C1orf87: variants seen among roughly 807,000 people sequenced by gnomAD.
The protein encoded by C1orf87 is chromosome 1 open reading frame 87.
C1orf87 carries 58 observed loss-of-function variants against 60.5 expected under a neutral mutation model. The observed-to-expected ratio is 0.96, with a 90% CI of 0.78 to 1.19. The LOEUF is 1.19. Ranked by LOEUF, C1orf87 falls within the 50% of genes most tolerant of loss-of-function variation. The pLI, the probability that C1orf87 is intolerant of heterozygous loss-of-function variation, is 0.00. For missense variants in C1orf87, 673 were observed against 638.6 expected (o/e 1.05, Z -0.58); for synonymous variants, 236 against 227.4 (o/e 1.04, Z -0.34).
In C1orf87 at chr1:60,033,542, T is replaced by C. The variant is rs150086580; in HGVS notation, c.963A>G (p.Ile321Met). 4.3e-6 allele frequency: 7 copies of C among 1,613,902 alleles called. No homozygotes were observed. In the African/African-American group the frequency reaches 6.7e-5, roughly 15 times the overall value. Residue 321 changes from isoleucine (I) to methionine (M), a missense_variant, in exon 7 of 12, where the codon ATA becomes ATG. By Grantham distance (10) the Ile-to-Met change is conservative (BLOSUM62 1). Coordinates refer to ENST00000371201, the MANE Select transcript of C1orf87 (RefSeq NM_152377.3). Reference sequence around the variant, plus strand: ...TTCGAAAACTCAGATTGAGATTGTCTATGTTGAGTCTGCCATTGGTTGTCC... The same window carrying C: ...TTCGAAAACTCAGATTGAGATTGTCCATGTTGAGTCTGCCATTGGTTGTCC... ...ALRTTNGRLN[I>M]DNLNLSFRKE...
At chr1:60,064,754 A>ATAT (rs1645527562) in intron 2 of C1orf87, among the ~76,000 whole-genome samples, 1 of 94,300 alleles carries the variant, frequency 1.1e-5, no homozygotes, top group Non-Finnish European at 1.9e-5. Context: ...TATTAAATAT[A>ATAT]TAAATATATA....
chr1:60,056,901 C>T (rs1224758658), intron 2 of C1orf87, among the ~76,000 whole-genome samples: 1 of 152,160 alleles, frequency 6.6e-6, no homozygotes, highest in Non-Finnish European at 1.5e-5. Flanking sequence ...CTAAATATAA[C>T]ATCCATTGAT....
intron 8 of C1orf87, among the ~76,000 whole-genome samples, chr1:60,018,148 C>T (rs947891724): frequency 6.6e-6 from 1 of 152,162 alleles, no homozygotes; most frequent in Non-Finnish European, 1.5e-5. Flanking sequence ...AATAATGATT[C>T]GTGCATTCAG....
At chr1:60,061,452 T>C (rs972002629) in intron 2 of C1orf87, among the ~76,000 whole-genome samples, 6 of 152,164 alleles carry the variant, frequency 3.9e-5, no homozygotes, top group African/African-American at 9.7e-5. Context: ...ACATTTTAAA[T>C]GTCTAATGGT....
intron 8 of C1orf87, among the ~76,000 whole-genome samples, chr1:60,024,354 C>T (rs1250180849): frequency 2.6e-5 from 4 of 152,110 alleles, no homozygotes; most frequent in African/African-American, 9.7e-5. Flanking sequence ...ACCATTATTA[C>T]AATGATGTAC....
chr1:60,041,490 C>T (rs1360000058), intron 3 of C1orf87, among the ~76,000 whole-genome samples: 1 of 152,036 alleles, frequency 6.6e-6, no homozygotes, highest in Admixed American at 6.6e-5. Flanking sequence ...TTTTAATTAG[C>T]AGGTTCAGGA....
At chr1:59,993,447 A>T (rs2100230666) in intron 11 of C1orf87, among the ~76,000 whole-genome samples, 1 of 152,168 alleles carries the variant, frequency 6.6e-6, no homozygotes, top group South Asian at 2.1e-4. Flanking sequence ...AAAATATATA[A>T]ACAGTATATA....
chr1:60,064,975 A>T (rs1486054124), intron 2 of C1orf87, among the ~76,000 whole-genome samples: 1 of 90,092 alleles, frequency 1.1e-5, no homozygotes, highest in East Asian at 3.4e-4. Context: ...AAATAAATAA[A>T]TATTTATTAT....
chr1:60,030,935 T>A (rs1311946802), intron 7 of C1orf87, among the ~76,000 whole-genome samples: 1 of 152,220 alleles, frequency 6.6e-6, no homozygotes, highest in African/African-American at 2.4e-5. Flanking sequence ...CCATAGAATA[T>A]CCTTTAAGGC....
At chr1:60,055,882 A>G (rs756075319) in intron 2 of C1orf87, among the ~76,000 whole-genome samples, 9 of 146,896 alleles carry the variant, frequency 6.1e-5, no homozygotes, top group Non-Finnish European at 9.2e-5. Context: ...TTTAAGTTTA[A>G]TATTAGAGAA....
chr1:60,063,295 T>G (rs1350298551), intron 2 of C1orf87, among the ~76,000 whole-genome samples: 2 of 152,158 alleles, frequency 1.3e-5, no homozygotes, highest in East Asian at 1.9e-4. Context: ...AATCACAAAA[T>G]TTATCCATAC....
Position 60,064,307 on chromosome 1 carries a change from T to TC in C1orf87, c.107+8229_107+8230insG, listed in dbSNP as rs1447303314. On this transcript the variant is annotated intron_variant, in intron 2 of 11. Coordinates refer to ENST00000371201, the MANE Select transcript of C1orf87 (RefSeq NM_152377.3). ...ATATATTATATATATATTTTATATATAATATATAAATTATATATTATATAT... is the reference window on the plus strand; with the variant it reads ...ATATATTATATATATATTTTATATATCAATATATAAATTATATATTATATAT... Among the ~76,000 whole-genome samples, 145 of 129,196 alleles carry TC rather than the reference T, an allele frequency of 1.1e-3. 18 individuals are homozygous for TC. The highest frequency in any genetic ancestry group is 3.8e-3 in the Middle Eastern group (1 of 260). The allele number at this position is 129,196 out of a possible 152,430, so 84.8% of individuals were successfully genotyped here.
Position 59,997,757 on chromosome 1 carries a change from T to G in C1orf87, c.1332A>C (p.Lys444Asn). ...ESSPAETSAC[K>N]DPLKPLKIRP... ...TGATCTTTAAAGGTTTCAGAGGATCTTTGCAGGCTGAAGTTTCAGCAGGAG... is the reference window on the plus strand; with the variant it reads ...TGATCTTTAAAGGTTTCAGAGGATCGTTGCAGGCTGAAGTTTCAGCAGGAG... Residue 444 changes from lysine to asparagine, a missense_variant, in exon 11 of 12, where the codon AAA (lysine) becomes AAC (asparagine). By Grantham distance (94) the Lys-to-Asn change is moderately conservative. Coordinates refer to ENST00000371201, the MANE Select transcript of C1orf87 (RefSeq NM_152377.3). The G allele has an allele frequency of 1.9e-6, 3 of 1,613,936 alleles. No individual in the cohort carries two copies. The highest frequency in any genetic ancestry group is 2.5e-6 in the Non-Finnish European group (3 of 1,179,896).
chr1:60,036,761 T>A lies in C1orf87; in HGVS notation c.863+1231A>T, dbSNP rs1473277670. Among the ~76,000 whole-genome samples the A allele has an allele frequency of 2.0e-5, 3 of 152,194 alleles. No homozygotes were observed. In the East Asian group the frequency reaches 5.8e-4, roughly 29 times the overall value. On this transcript the variant is annotated intron_variant, in intron 6 of 11. Transcript: ENST00000371201. ...TTGGCAAACATGAAAATATTATACT[T>A]TATTGCGTTTCATTTCTGATTATAT...
chr1:60,036,731 C>CT (rs1645280026), intron 6 of C1orf87, among the ~76,000 whole-genome samples: 1 of 152,124 alleles, frequency 6.6e-6, no homozygotes. Flanking sequence ...AATTTGTCAC[C>CT]TTTTTTGGCA....
intron 9 of C1orf87, chr1:60,008,912 G>C (rs1330520382): frequency 3.6e-6 from 1 of 280,228 alleles, no homozygotes; most frequent in Non-Finnish European, 7.1e-6. Flanking sequence ...AGAACCATCT[G>C]TGTGGTGACA....
rs769852762 is a variant in C1orf87 at position 60,040,156 on chromosome 1, T to C, written c.508A>G (p.Thr170Ala). 5 of 1,613,760 alleles carry C rather than the reference T, an allele frequency of 3.1e-6. No individual in the cohort carries two copies. In the East Asian group the frequency reaches 1.1e-4, roughly 36 times the overall value. ...PEDIGQSPSG[T>A]TNEDAFLLAL... ...AGAAGAAAAGCGTCTTCATTTGTTG[T>C]CCCACTTGGGCTCTGGCCAATATCC... is the stretch of plus-strand genomic sequence containing the variant. Residue 170 changes from threonine (T) to alanine (A), a missense_variant, in exon 5 of 12, where the codon ACA becomes GCA. Physicochemically the swap from Thr to Ala is moderately conservative, Grantham distance 58 (BLOSUM62 0). Transcript: ENST00000371201.
At chr1:60,007,401 T>G (rs1160301878) in intron 9 of C1orf87, among the ~76,000 whole-genome samples, 1 of 152,008 alleles carries the variant, frequency 6.6e-6, no homozygotes, top group Non-Finnish European at 1.5e-5. Flanking sequence ...TGATTCCTTT[T>G]ATAGATTCAA....
chr1:59,997,315 G>A (rs1368449856), intron 11 of C1orf87, among the ~76,000 whole-genome samples: 2 of 152,148 alleles, frequency 1.3e-5, no homozygotes, highest in African/African-American at 4.8e-5. Flanking sequence ...CCTCTTATCA[G>A]TGGGGTATCT....
Sources: allele counts gnomAD v4.1 joint callset (sites outside exome capture counted in the v4.1 genomes callset), GRCh38; gene constraint gnomAD v4.1.1; transcripts MANE v1.5; gene names NCBI Gene and HGNC (gene_info 2026-07-23, HGNC 2026-07-21).